Variants in RAP1GAP observed in about 807,000 individuals in gnomAD.
The protein encoded by RAP1GAP is rap1 GTPase-activating protein 1.
In RAP1GAP, 35 loss-of-function variants were observed where a neutral mutation model predicts 87.2. The ratio of observed to expected loss-of-function variants is 0.40; its 90% CI spans 0.31 to 0.53. The LOEUF (loss-of-function observed/expected upper bound fraction) is 0.53. Among genes scored for constraint, RAP1GAP ranks in the 20% least tolerant of loss-of-function variants. The pLI is 0.48. For synonymous variants in RAP1GAP, 375 were observed against 363.9 expected, an observed-to-expected ratio of 1.03 and a Z score of -0.35; for missense variants, 734 against 898.9, an observed-to-expected ratio of 0.82 and a Z score of 2.35.
rs764536391 is a variant in RAP1GAP, at chr1:21,599,630, G to A, written c.1653-13C>T. 3.8e-6 allele frequency: 6 copies of A among 1,598,920 alleles called. No individual in the cohort carries two copies. The highest frequency in any genetic ancestry group is 5.1e-6 in the Non-Finnish European group (6 of 1,176,730). On this transcript the variant is annotated splice_polypyrimidine_tract_variant and intron_variant, in intron 20 of 24. Coordinates refer to ENST00000374765, the MANE Select transcript of RAP1GAP (RefSeq NM_002885.4). ...TGCGGTCTCCGCTCTGCCACAGACAGTGCCCCATTAGCCGGTGTCCACCCC... is the reference window on the plus strand; with the variant it reads ...TGCGGTCTCCGCTCTGCCACAGACAATGCCCCATTAGCCGGTGTCCACCCC...
rs939921429 is a variant in RAP1GAP, at chr1:21,669,293, T to C, written c.-188A>G. ...CGGGGGCGTCCTGGGCTCGGCACTCTGGTGCCCGCGGCCGCCGCTGCAGCT... is the reference window on the plus strand; with the variant it reads ...CGGGGGCGTCCTGGGCTCGGCACTCCGGTGCCCGCGGCCGCCGCTGCAGCT... On this transcript the variant is annotated 5_prime_UTR_variant, in exon 1 of 25. Transcript: ENST00000374765. The surrounding 1 kb of genome is among the most constrained non-coding windows in gnomAD (Gnocchi z 5.6). 3.4e-6 allele frequency: 4 copies of C among 1,180,508 alleles called. No homozygotes were observed. Among genetic ancestry groups the C allele is most frequent in the Non-Finnish European group, 4.2e-6 (4 of 946,496 alleles). 73.1% of individuals were successfully genotyped at this position (1,180,508 alleles called of 1,614,324 possible).
At chr1:21,656,417 TAAAAAAAAAA>T (rs71661339) in intron 1 of RAP1GAP, among the ~76,000 whole-genome samples, 1 of 96,178 alleles carries the variant, frequency 1.0e-5, no homozygotes, top group Non-Finnish European at 2.1e-5. Flanking sequence ...AGACTCCATC[TAAAAAAAAAA>T]AAAAAAAAAA....
chr1:21,626,348 G>C lies in RAP1GAP; in HGVS notation c.-63C>G. 6.2e-7 allele frequency: 1 copy of C among 1,613,124 alleles called. No homozygotes were observed. The highest frequency in any genetic ancestry group is 8.5e-7 in the Non-Finnish European group (1 of 1,179,228). On this transcript the variant is annotated 5_prime_UTR_variant, in exon 3 of 25. Coordinates refer to ENST00000374765, the MANE Select transcript of RAP1GAP (RefSeq NM_002885.4). ...GTATAGGAGGGAACTAAGTTCACTC[G>C]TGACAGGTCTAGTGCCTGAGGGAAG...
chr1:21,597,685 C>T lies in RAP1GAP; in HGVS notation c.*34+1G>A. 2 of 1,607,900 alleles carry T rather than the reference C, an allele frequency of 1.2e-6. No individual in the cohort carries two copies. Among genetic ancestry groups the T allele is most frequent in the Non-Finnish European group, 1.7e-6 (2 of 1,175,428 alleles). ...ACACAAGCTGAGGGGCTGGGTCTAA[C>T]CTGCTCAGTTTCACCTTCAGAGGGG... On this transcript the variant is annotated splice_donor_variant, in intron 24 of 24. Transcript: ENST00000374765. LOFTEE classifies it low-confidence loss of function (3UTR_SPLICE).
At chr1:21,606,288 C>A in intron 17 of RAP1GAP, 91 bp from the exon 18 acceptor site, 1 of 1,490,028 alleles carries the variant, frequency 6.7e-7, no homozygotes, top group Non-Finnish European at 9.0e-7. Flanking sequence ...GGTCTCTCCC[C>A]AGCAATGCCA....
intron 2 of RAP1GAP, among the ~76,000 whole-genome samples, chr1:21,632,093 G>T (rs761764108): frequency 6.6e-6 from 1 of 152,236 alleles, no homozygotes; most frequent in Admixed American, 6.5e-5. Context: ...GAGCCAACCT[G>T]GAGTCTGGGC....
At chr1:21,630,083 T>C (rs2093417554) in intron 2 of RAP1GAP, among the ~76,000 whole-genome samples, 1 of 152,124 alleles carries the variant, frequency 6.6e-6, no homozygotes, top group African/African-American at 2.4e-5. Context: ...ACTCATTTAA[T>C]TTGCATTTTT....
intron 20 of RAP1GAP, among the ~76,000 whole-genome samples, chr1:21,600,898 A>AAAAAAAAAAAAAAAAT: frequency 1.3e-5 from 2 of 149,800 alleles, no homozygotes; most frequent in African/African-American, 2.5e-5. Flanking sequence ...AAAAAAAAAA[A>AAAAAAAAAAAAAAAAT]AGTCAAAGCT....
rs372991491 is a variant in RAP1GAP, at chr1:21,635,405, T to C, written c.-112-9008A>G. Among the ~76,000 whole-genome samples the C allele has an allele frequency of 1.9e-4, 29 of 152,288 alleles. 1 individual carries two copies. In the South Asian group the frequency reaches 5.8e-3, roughly 30 times the overall value. On this transcript the variant is annotated intron_variant, in intron 2 of 24. Coordinates refer to ENST00000374765, the MANE Select transcript of RAP1GAP (RefSeq NM_002885.4). ...TGCCCTTCATTCCTCTGCTCAGTCA[T>C]TCATTCAGAACACATGTCCTGAGGT...
chr1:21,649,879 G>C, intron 1 of RAP1GAP, 83 bp from the exon 2 acceptor site: 2 of 1,375,852 alleles, frequency 1.5e-6, no homozygotes, highest in Non-Finnish European at 2.0e-6. Context: ...CACCTGCACT[G>C]CACCACCCTC....
rs1296856866 is a variant in RAP1GAP at position 21,662,969 on chromosome 1, A to G, written c.-149+6285T>C. ...TGCATCCAATTGCTCAGGCCCCATC[A>G]TGCCTCCCCCCATCCAGAATCTTCC... On this transcript the variant is annotated intron_variant, in intron 1 of 24. Transcript: ENST00000374765. 5.3e-5 allele frequency among the ~76,000 whole-genome samples: 8 copies of G among 152,196 alleles called. No homozygotes were observed. In the East Asian group the frequency reaches 1.4e-3, roughly 26 times the overall value.
chr1:21,602,811 C>T lies in RAP1GAP; in HGVS notation c.1531G>A (p.Glu511Lys). ...TGTCCCCCACTCACCCACCTCTTCT[C>T]CTGCACCTCCTGTATGTTCTCGATG... ...IGIENIQEVQ[E>K]KRESPPAGQK... The change falls in exon 19 of 25, where the codon GAG becomes AAG. Residue 511 changes from glutamate to lysine, a missense_variant. Transcript: ENST00000374765. 1 of 1,607,144 alleles carries T rather than the reference C, an allele frequency of 6.2e-7. No individual in the cohort carries two copies. Among genetic ancestry groups the T allele is most frequent in the Non-Finnish European group, 8.5e-7 (1 of 1,178,528 alleles).
In RAP1GAP at chr1:21,603,021, G is replaced by A. The variant is rs2070310422; in HGVS notation, c.1429-108C>T. Reference sequence around the variant, plus strand: ...CCCCAGGCCCTGAAGCAGAGTTGATGAGCAAGAAAGAACGAGAGAAGATAT... The same window carrying A: ...CCCCAGGCCCTGAAGCAGAGTTGATAAGCAAGAAAGAACGAGAGAAGATAT... On this transcript the variant is annotated intron_variant, in intron 18 of 24. Coordinates refer to ENST00000374765, the MANE Select transcript of RAP1GAP (RefSeq NM_002885.4). This position sits in a 1 kb window ranked among gnomAD's most constrained non-coding sequence, Gnocchi z 6.0. 1.4e-6 allele frequency: 1 copy of A among 732,740 alleles called. No homozygotes were observed. The highest frequency in any genetic ancestry group is 2.8e-5 in the East Asian group (1 of 36,046). The allele number at this position is 732,740 out of a possible 1,614,324, so 45.4% of individuals were successfully genotyped here.
chr1:21,613,620 G>T lies in RAP1GAP; in HGVS notation c.474+8C>A. On this transcript the variant is annotated splice_region_variant and intron_variant, in intron 9 of 24. Transcript: ENST00000374765. This position sits in a 1 kb window ranked among gnomAD's most constrained non-coding sequence, Gnocchi z 4.7. Reference sequence around the variant, plus strand: ...AGCCCGGGAAGCTCAGCGGAGCGGAGACCTCACCTTTGCCATCTGGACAAC... The same window carrying T: ...AGCCCGGGAAGCTCAGCGGAGCGGATACCTCACCTTTGCCATCTGGACAAC... 1 of 1,608,838 alleles carries T rather than the reference G, an allele frequency of 6.2e-7. No homozygotes were observed. The highest frequency in any genetic ancestry group is 1.7e-5 in the Admixed American group (1 of 60,028).
intron 12 of RAP1GAP, 50 bp from the exon 13 acceptor site, chr1:21,611,631 C>T: frequency 6.2e-7 from 1 of 1,613,718 alleles, no homozygotes; most frequent in Non-Finnish European, 8.5e-7. Context: ...CCTGGCCAGG[C>T]CTCCATGGGG....
rs78143302 is a variant in RAP1GAP, at chr1:21,669,241, G to T, written c.-149+13C>A. 0.058 allele frequency: 72,413 copies of T among 1,250,906 alleles called. 2,710 individuals are homozygous for T. Among genetic ancestry groups the T allele is most frequent in the East Asian group, 0.25 (3,060 of 12,196 alleles). The allele number at this position is 1,250,906 out of a possible 1,614,324, so 77.5% of individuals were successfully genotyped here. The stretch of plus-strand genomic sequence containing the variant: ...CCCTTTCCAGGGCCGCAGCCCTGGC[G>T]GGGCGCACTCACCCAAGGGCCTGGG... On this transcript the variant is annotated intron_variant, in intron 1 of 24. Transcript: ENST00000374765. The surrounding 1 kb of genome is among the most constrained non-coding windows in gnomAD (Gnocchi z 5.6).
intron 2 of RAP1GAP, among the ~76,000 whole-genome samples, chr1:21,638,907 C>T (rs975762652): frequency 6.6e-6 from 1 of 152,206 alleles, no homozygotes; most frequent in Non-Finnish European, 1.5e-5. Context: ...CTGAGCCAGG[C>T]GTCACAGAGC....
intron 1 of RAP1GAP, among the ~76,000 whole-genome samples, chr1:21,664,179 G>C (rs115032784): frequency 2.0e-5 from 3 of 152,292 alleles, no homozygotes; most frequent in Admixed American, 1.3e-4. Context: ...CCTAGTTCCC[G>C]GGTGGCTTGG....
intron 18 of RAP1GAP, among the ~76,000 whole-genome samples, chr1:21,605,252 C>T (rs2073574340): frequency 6.6e-6 from 1 of 152,192 alleles, no homozygotes; most frequent in African/African-American, 2.4e-5. Flanking sequence ...AGGAGGTGCT[C>T]CCTCTGGAGA....
Sources: gnomAD v4.1 joint callset for allele counts (sites outside exome capture counted in the v4.1 genomes callset) on GRCh38, gnomAD v4.1.1 for gene constraint, Gnocchi (gnomAD v3.1) non-coding constraint, MANE v1.5 for transcripts, NCBI Gene and HGNC (gene_info 2026-07-23, HGNC 2026-07-21) for gene names.